MAPRE2: variants seen among roughly 807,000 people sequenced by gnomAD.
MAPRE2 encodes the protein microtubule-associated protein RP/EB family member 2.
MAPRE2 carries 13 observed loss-of-function variants against 43.2 expected under a neutral mutation model. The ratio of observed to expected loss-of-function variants is 0.30; its 90% CI spans 0.20 to 0.48. The LOEUF is 0.48. Among genes scored for constraint, MAPRE2 ranks in the 20% least tolerant of loss-of-function variants. The probability of loss-of-function intolerance (pLI) is 0.99; values close to 1 mark genes in which losing one functional copy is unlikely to be tolerated. For synonymous variants in MAPRE2, 135 were observed against 148.8 expected (o/e 0.91, Z 0.68); for missense variants, 161 against 400.2 (o/e 0.40, Z 5.10).
At chr18:35,054,035 A>G (rs1157162016) in intron 1 of MAPRE2, among the ~76,000 whole-genome samples, 1 of 152,240 alleles carries the variant, frequency 6.6e-6, no homozygotes, top group Non-Finnish European at 1.5e-5. Flanking sequence ...AGAATAGCCA[A>G]AGCGTTGGAT....
Position 35,143,440 on chromosome 18 carries a change from T to A in MAPRE2, c.*3071T>A, listed in dbSNP as rs1910757088. 1 of 150,738 alleles carries A rather than the reference T, an allele frequency of 6.6e-6. No homozygotes were observed. The highest frequency in any genetic ancestry group is 1.5e-5 in the Non-Finnish European group (1 of 67,766). The allele number at this position is 150,738 out of a possible 1,614,324, so 9.3% of individuals were successfully genotyped here. ...CTTGACTTGCATTGATCTTTTTACA[T>A]ATTTAATAAAAAAAAAAGTATATGT... is the stretch of plus-strand genomic sequence containing the variant. On this transcript the variant is annotated 3_prime_UTR_variant, in exon 7 of 7. Transcript: ENST00000300249.
At chr18:35,036,238 T>C (rs1396390879) in intron 2 of MAPRE2, among the ~76,000 whole-genome samples, 1 of 152,066 alleles carries the variant, frequency 6.6e-6, no homozygotes, top group Non-Finnish European at 1.5e-5. Flanking sequence ...ATCCAATTAG[T>C]CACCAAATCC....
At chr18:35,035,404 C>T (rs572150721) in intron 2 of MAPRE2, among the ~76,000 whole-genome samples, 1 of 151,732 alleles carries the variant, frequency 6.6e-6, no homozygotes, top group African/African-American at 2.4e-5. Flanking sequence ...GGAGATATAC[C>T]TAATGCTAAA....
chr18:35,085,606 A>G (rs1568997855), intron 2 of MAPRE2, among the ~76,000 whole-genome samples: 1 of 152,240 alleles, frequency 6.6e-6, no homozygotes, highest in South Asian at 2.1e-4. Flanking sequence ...TATATTAACT[A>G]TGACAAAAGC....
chr18:35,127,285 C>G, intron 5 of MAPRE2, 198 bp downstream of exon 5: 1 of 563,310 alleles, frequency 1.8e-6, no homozygotes, highest in Non-Finnish European at 3.1e-6. Flanking sequence ...TCACAAATCT[C>G]AAAGCTGTAC....
At chr18:35,058,927 A>C (rs554125845) in intron 1 of MAPRE2, among the ~76,000 whole-genome samples, 3 of 152,328 alleles carry the variant, frequency 2.0e-5, no homozygotes, top group South Asian at 2.1e-4. Flanking sequence ...CCTAGGTCCA[A>C]ATCCCTGCTT....
At chr18:35,070,053 T>C in intron 1 of MAPRE2, 142 bp from the exon 2 acceptor site, 1 of 496,596 alleles carries the variant, frequency 2.0e-6, no homozygotes, top group Non-Finnish European at 3.4e-6. Context: ...ATATGTAAAA[T>C]AGAAAAAGAT....
At chr18:35,114,221 A>T (rs145907901) in intron 4 of MAPRE2, among the ~76,000 whole-genome samples, 1 of 152,156 alleles carries the variant, frequency 6.6e-6, no homozygotes, top group Non-Finnish European at 1.5e-5. Context: ...TCCTCCCCAC[A>T]CTATGCTGAA....
At chr18:35,116,190 C>T (rs987998266) in intron 4 of MAPRE2, among the ~76,000 whole-genome samples, 1 of 152,152 alleles carries the variant, frequency 6.6e-6, no homozygotes, top group African/African-American at 2.4e-5. Context: ...TCAAGCAAAA[C>T]TTAATGTATA....
At chr18:35,137,972 A>C (rs927558278) in intron 6 of MAPRE2, among the ~76,000 whole-genome samples, 1 of 152,190 alleles carries the variant, frequency 6.6e-6, no homozygotes, top group Non-Finnish European at 1.5e-5. Context: ...TCTCCCTTGG[A>C]TGAGAGGAGA....
chr18:35,101,828 A>G, intron 3 of MAPRE2, 118 bp from the exon 4 acceptor site: 3 of 723,920 alleles, frequency 4.1e-6, no homozygotes, highest in Non-Finnish European at 6.9e-6. Context: ...TAGCTATTAT[A>G]AACAGTGCTG....
intron 2 of MAPRE2, chr18:35,070,593 C>T (rs1371196180): frequency 4.4e-6 from 1 of 226,902 alleles, no homozygotes; most frequent in Admixed American, 5.7e-5. Flanking sequence ...CTCCTAGCCT[C>T]TTCTCTGTCA....
rs80193876 is a variant in MAPRE2, at chr18:35,045,197, C to T, written c.122+3536C>T. On this transcript the variant is annotated intron_variant, in intron 1 of 6. Transcript: ENST00000300249. ...AAAAATAAATGTGGTGTGGGCCATC[C>T]GAGGTGACACTGTTTAATTCACAGA... is the stretch of plus-strand genomic sequence containing the variant. Among the ~76,000 whole-genome samples, 1,373 of 152,262 alleles carry T rather than the reference C, an allele frequency of 9.0e-3. 21 individuals carry two copies. Among genetic ancestry groups the T allele is most frequent in the African/African-American group, 0.031 (1,286 of 41,528 alleles).
At chr18:35,113,270 G>A (rs569371816) in intron 4 of MAPRE2, among the ~76,000 whole-genome samples, 2 of 152,298 alleles carry the variant, frequency 1.3e-5, no homozygotes, top group African/African-American at 4.8e-5. Context: ...GAAGAATTCT[G>A]GAGTTTCAAA....
chr18:35,098,498 T>A (rs1908527620), intron 3 of MAPRE2, among the ~76,000 whole-genome samples: 1 of 152,208 alleles, frequency 6.6e-6, no homozygotes, highest in Admixed American at 6.5e-5. Context: ...TTCTTGACAT[T>A]CTTATCAATA....
At chr18:35,084,713 C>T (rs1362483215) in intron 2 of MAPRE2, among the ~76,000 whole-genome samples, 2 of 152,214 alleles carry the variant, frequency 1.3e-5, no homozygotes, top group African/African-American at 2.4e-5. Flanking sequence ...TACTCCTTTT[C>T]CTCTACATGG....
At chr18:35,054,513 A>G (rs1472446143) in intron 1 of MAPRE2, among the ~76,000 whole-genome samples, 1 of 152,194 alleles carries the variant, frequency 6.6e-6, no homozygotes, top group Non-Finnish European at 1.5e-5. Flanking sequence ...CGGCAGTCAG[A>G]TGATTCTCTC....
At chr18:34,988,967 C>T (rs1440803536) in intron 1 of MAPRE2, 2 of 152,096 alleles carry the variant, frequency 1.3e-5, no homozygotes, top group African/African-American at 2.4e-5. Context: ...TATTAAGTAG[C>T]TTTTTATCTT....
chr18:34,985,705 A>G (rs1381668311), intron 1 of MAPRE2, among the ~76,000 whole-genome samples: 1 of 128,798 alleles, frequency 7.8e-6, no homozygotes, highest in Non-Finnish European at 1.6e-5. Flanking sequence ...GTGATATATA[A>G]ATATATATCA....
Sources: gnomAD v4.1 joint callset for allele counts (sites outside exome capture counted in the v4.1 genomes callset) on GRCh38, gnomAD v4.1.1 for gene constraint, MANE v1.5 for transcripts, NCBI Gene and HGNC (gene_info 2026-07-23, HGNC 2026-07-21) for gene names.